The following CSMD3 variants were observed in gnomAD, a reference collection of about 807,000 sequenced individuals.
CSMD3 encodes CUB and Sushi multiple domains 3, also known as CUB and sushi domain-containing protein 3.
A neutral mutation model predicts 435.2 loss-of-function variants in CSMD3; 177 were observed. The ratio of observed to expected loss-of-function variants is 0.41; its 90% CI spans 0.36 to 0.46. CSMD3 has a LOEUF of 0.46. Ranked by LOEUF, CSMD3 falls within the 20% of genes least tolerant of loss-of-function variation. CSMD3 has a pLI of 0.34. For synonymous variants in CSMD3, 1,656 were observed against 1,520.5 expected (o/e 1.09, Z -2.07); for missense variants, 4,265 against 4,504.6 (o/e 0.95, Z 1.52).
intron 59 of CSMD3, among the ~76,000 whole-genome samples, chr8:112,280,692 T>C (rs748480088): frequency 1.2e-4 from 19 of 152,170 alleles, no homozygotes; most frequent in Non-Finnish European, 2.2e-4. Context: ...AATTTTATTA[T>C]AATGCAGAAT....
At chr8:113,179,754 A>T (rs1426864704) in intron 3 of CSMD3, among the ~76,000 whole-genome samples, 2 of 151,836 alleles carry the variant, frequency 1.3e-5, no homozygotes, top group Non-Finnish European at 2.9e-5. Context: ...AAAGGACTAT[A>T]GGAGAACAAA....
At chr8:112,525,324 A>C (rs898400642) in intron 27 of CSMD3, among the ~76,000 whole-genome samples, 1 of 149,352 alleles carries the variant, frequency 6.7e-6, no homozygotes, top group African/African-American at 2.4e-5. Context: ...TACAAAATAA[A>C]TTTTATATAT....
intron 50 of CSMD3, among the ~76,000 whole-genome samples, chr8:112,310,060 C>T (rs571638644): frequency 7.4e-4 from 113 of 152,184 alleles, no homozygotes; most frequent in African/African-American, 2.6e-3. Context: ...TAATTTTCAT[C>T]TTGATAAAAT....
At chr8:112,546,508 C>T (rs752733124) in intron 27 of CSMD3, among the ~76,000 whole-genome samples, 20 of 152,072 alleles carry the variant, frequency 1.3e-4, no homozygotes, top group Non-Finnish European at 2.6e-4. Flanking sequence ...GTATTAGCTA[C>T]GGGCCTCAGC....
At chr8:113,162,649 C>T (rs921475758) in intron 4 of CSMD3, among the ~76,000 whole-genome samples, 2 of 147,948 alleles carry the variant, frequency 1.4e-5, no homozygotes, top group African/African-American at 4.9e-5. Flanking sequence ...CCTTTTATTA[C>T]TTGTGTGATG....
chr8:112,444,317 C>T (rs1219394447), intron 32 of CSMD3, among the ~76,000 whole-genome samples: 8 of 152,190 alleles, frequency 5.3e-5, no homozygotes, highest in African/African-American at 1.9e-4. Context: ...TGAAGTTTAA[C>T]ATACACCTTC....
At chr8:113,106,326 T>TA (rs752778054) in intron 4 of CSMD3, among the ~76,000 whole-genome samples, 10 of 150,990 alleles carry the variant, frequency 6.6e-5, no homozygotes, top group South Asian at 6.2e-4. Context: ...TACTAGAAAT[T>TA]AAAAAAAAAA....
intron 7 of CSMD3, among the ~76,000 whole-genome samples, chr8:112,955,009 CT>C (rs926244552): frequency 6.6e-6 from 1 of 151,316 alleles, no homozygotes; most frequent in Non-Finnish European, 1.5e-5. Context: ...TTAAGCTGTG[CT>C]TTTTTAAACT....
At chr8:112,460,512 T>C (rs1817340519) in intron 32 of CSMD3, among the ~76,000 whole-genome samples, 2 of 129,786 alleles carry the variant, frequency 1.5e-5, no homozygotes. Context: ...AGAATTAAAC[T>C]ACCTTCAAGA....
At chr8:113,257,179 C>T (rs1412856790) in intron 3 of CSMD3, among the ~76,000 whole-genome samples, 2 of 152,100 alleles carry the variant, frequency 1.3e-5, no homozygotes, top group Non-Finnish European at 2.9e-5. Flanking sequence ...GAGGCCGAGG[C>T]GGGCGGATCA....
chr8:112,383,163 T>G (rs996154919), intron 37 of CSMD3, among the ~76,000 whole-genome samples: 8 of 152,162 alleles, frequency 5.3e-5, no homozygotes, highest in African/African-American at 1.9e-4. Flanking sequence ...TTATTCTCAT[T>G]TAACAGTACC....
chr8:113,236,274 A>G (rs1255057755), intron 3 of CSMD3, among the ~76,000 whole-genome samples: 1 of 152,134 alleles, frequency 6.6e-6, no homozygotes, highest in Non-Finnish European at 1.5e-5. Context: ...ATAAAAAGAG[A>G]TTCCCCTTAA....
At chr8:112,285,429 T>G (rs773612987) in intron 58 of CSMD3, among the ~76,000 whole-genome samples, 1 of 152,098 alleles carries the variant, frequency 6.6e-6, no homozygotes, top group Non-Finnish European at 1.5e-5. Context: ...TTATTAAAAC[T>G]GACCCAGTTA....
intron 11 of CSMD3, among the ~76,000 whole-genome samples, chr8:112,850,961 G>C (rs939558406): frequency 2.6e-5 from 4 of 152,114 alleles, no homozygotes; most frequent in Admixed American, 2.0e-4. Flanking sequence ...AAAAGATTAT[G>C]AAATAATGAG....
chr8:112,826,115 C>T (rs2079673020), intron 12 of CSMD3, among the ~76,000 whole-genome samples: 1 of 152,142 alleles, frequency 6.6e-6, no homozygotes, highest in Non-Finnish European at 1.5e-5. Flanking sequence ...GCACTCTGGC[C>T]ACAGTCTGCC....
At chr8:112,247,239 A>C in intron 63 of CSMD3, 108 bp from the exon 64 acceptor site, 1 of 697,046 alleles carries the variant, frequency 1.4e-6, no homozygotes, top group Non-Finnish European at 2.5e-6. Flanking sequence ...CGTATGGTAA[A>C]GTTGGAAGAA....
At chr8:112,311,283 A>C (rs1821958211) in intron 49 of CSMD3, 117 bp from the exon 50 acceptor site, 2 of 789,754 alleles carry the variant, frequency 2.5e-6, no homozygotes, top group South Asian at 2.9e-5. Context: ...CATCTATGTA[A>C]ATTTTACTTC....
At chr8:112,265,209 A>T (rs947083175) in intron 60 of CSMD3, among the ~76,000 whole-genome samples, 4 of 151,964 alleles carry the variant, frequency 2.6e-5, no homozygotes, top group Non-Finnish European at 5.9e-5. Context: ...TCACAATAAG[A>T]TATAATGTTT....
At chr8:112,695,070 C>A (rs1165085067) in intron 13 of CSMD3, among the ~76,000 whole-genome samples, 5 of 152,084 alleles carry the variant, frequency 3.3e-5, no homozygotes, top group African/African-American at 7.2e-5. Flanking sequence ...CAGACGGAAC[C>A]TGGAAAATCG....
Sources: allele counts gnomAD v4.1 joint callset (sites outside exome capture counted in the v4.1 genomes callset), GRCh38; gene constraint gnomAD v4.1.1; transcripts MANE v1.5; gene names NCBI Gene and HGNC (gene_info 2026-07-23, HGNC 2026-07-21).